CLUL1: variants seen among roughly 807,000 people sequenced by gnomAD.
CLUL1 encodes clusterin-like protein 1.
A neutral mutation model predicts 49.4 loss-of-function variants in CLUL1; 43 were observed. The ratio of observed to expected loss-of-function variants is 0.87; its 90% CI spans 0.68 to 1.12. CLUL1 has a LOEUF of 1.12. Ranked by LOEUF, CLUL1 falls within the 50% of genes most tolerant of loss-of-function variation. CLUL1 has a pLI of 0.00. For missense variants in CLUL1, 486 were observed against 544.4 expected (o/e 0.89, Z 1.07); for synonymous variants, 192 against 184.9 (o/e 1.04, Z -0.31).
intron 1 of CLUL1, among the ~76,000 whole-genome samples, chr18:600,513 A>G (rs2072796649): frequency 6.7e-6 from 1 of 149,786 alleles, no homozygotes; most frequent in Non-Finnish European, 1.5e-5. Context: ...TATTAGAACA[A>G]GGGATTTGCA....
intron 9 of CLUL1, 34 bp downstream of exon 9, chr18:645,131 G>C: frequency 1.4e-6 from 2 of 1,470,690 alleles, no homozygotes; most frequent in East Asian, 2.4e-5. Context: ...ATGCCTTGTT[G>C]ACAGGAATAG....
At chr18:616,985 A>G (rs941342089) in intron 2 of CLUL1, among the ~76,000 whole-genome samples, 1 of 152,236 alleles carries the variant, frequency 6.6e-6, no homozygotes. Flanking sequence ...GCAGATAAAT[A>G]TCCCCTTTGT....
At chr18:640,722 C>A (rs559182010) in intron 7 of CLUL1, among the ~76,000 whole-genome samples, 3 of 152,142 alleles carry the variant, frequency 2.0e-5, no homozygotes, top group Non-Finnish European at 4.4e-5. Context: ...TACCTTTAAT[C>A]AAATAATAAT....
intron 2 of CLUL1, among the ~76,000 whole-genome samples, chr18:612,363 G>A (rs541231149): frequency 1.3e-5 from 2 of 152,184 alleles, no homozygotes; most frequent in Admixed American, 6.5e-5. Flanking sequence ...GGCCAAGTTT[G>A]TTCCCACTCC....
intron 7 of CLUL1, among the ~76,000 whole-genome samples, chr18:638,974 G>C (rs1445088266): frequency 1.3e-5 from 2 of 152,096 alleles, no homozygotes. Flanking sequence ...CAAAAGGAAA[G>C]TGCTATTTTG....
intron 7 of CLUL1, among the ~76,000 whole-genome samples, chr18:638,089 A>C (rs891723296): frequency 6.6e-6 from 1 of 152,240 alleles, no homozygotes; most frequent in Non-Finnish European, 1.5e-5. Context: ...GGAAGAGGAA[A>C]TAATATATCT....
In CLUL1 at chr18:632,399, A is replaced by G. The variant is rs71352959; in HGVS notation, c.857-899A>G. ...GAAATGCAAAAAAAGAATAGTAATA[A>G]AATAACCACCTATCACCCACTTTAA... On this transcript the variant is annotated intron_variant, in intron 6 of 9. Transcript: ENST00000692774. Among the ~76,000 whole-genome samples, 667 of 152,278 alleles carry G rather than the reference A, an allele frequency of 4.4e-3. 2 individuals carry two copies. Among genetic ancestry groups the G allele is most frequent in the Non-Finnish European group, 6.9e-3 (468 of 68,014 alleles).
At chr18:645,792 T>TAA (rs869103727) in intron 9 of CLUL1, among the ~76,000 whole-genome samples, 670 of 16,036 alleles carry the variant, frequency 0.042, 245 homozygotes, top group Admixed American at 0.094. Context: ...AGACTCTGTT[T>TAA]AAAAAAAAAA....
chr18:624,609 GCAAACA>G (rs2144039700), intron 4 of CLUL1, among the ~76,000 whole-genome samples: 1 of 152,236 alleles, frequency 6.6e-6, no homozygotes, highest in South Asian at 2.1e-4. Flanking sequence ...CTGTCACATA[GCAAACA>G]CTCAGTAAAT....
intron 9 of CLUL1, among the ~76,000 whole-genome samples, chr18:646,540 T>A (rs893710995): frequency 8.7e-5 from 10 of 115,192 alleles, no homozygotes; most frequent in Non-Finnish European, 1.4e-4. Flanking sequence ...ACACACACAC[T>A]ATAAAGCAAG....
At chr18:633,492 T>C (rs901380623) in intron 7 of CLUL1, 57 bp downstream of exon 7, 1 of 1,495,670 alleles carries the variant, frequency 6.7e-7, no homozygotes, top group African/African-American at 1.4e-5. Context: ...TACATTTTGT[T>C]ATAAAGTTTC....
At chr18:612,720 G>C (rs934969632) in intron 2 of CLUL1, 1 of 152,166 alleles carries the variant, frequency 6.6e-6, no homozygotes, top group Non-Finnish European at 1.5e-5. Context: ...CAGTTGTCAT[G>C]CTTTTATACA....
chr18:625,105 A>G (rs2073643568), intron 5 of CLUL1, 73 bp downstream of exon 5: 5 of 1,461,524 alleles, frequency 3.4e-6, no homozygotes, highest in Non-Finnish European at 3.7e-6. Context: ...TTATTAATTT[A>G]TGTTAATATT....
At chr18:613,246 C>A (rs1187893665) in intron 2 of CLUL1, 3 of 449,858 alleles carry the variant, frequency 6.7e-6, no homozygotes, top group Non-Finnish European at 1.2e-5. Flanking sequence ...TCAAGCGATT[C>A]TCCTGCCTCA....
intron 1 of CLUL1, chr18:598,515 G>T: frequency 2.5e-6 from 1 of 398,578 alleles, no homozygotes; most frequent in South Asian, 1.3e-4. Context: ...ATCAGCTAAT[G>T]AGACAATGAA....
chr18:644,805 T>G, intron 8 of CLUL1, 105 bp from the exon 9 acceptor site: 2 of 756,316 alleles, frequency 2.6e-6, no homozygotes, highest in Admixed American at 6.4e-5. Flanking sequence ...GACTAATCTG[T>G]TACCTCAGCA....
chr18:616,939 GGTT>G (rs1223456313), intron 2 of CLUL1, among the ~76,000 whole-genome samples: 4 of 152,090 alleles, frequency 2.6e-5, no homozygotes, highest in Non-Finnish European at 5.9e-5. Context: ...AGGTTTCTGT[GGTT>G]GTTTTCTTTT....
chr18:610,133 GA>G (rs1041613881), intron 2 of CLUL1, among the ~76,000 whole-genome samples: 85 of 152,228 alleles, frequency 5.6e-4, no homozygotes, highest in African/African-American at 2.0e-3. Flanking sequence ...TGCAGATCAA[GA>G]ACCAAATTAA....
chr18:633,813 CGGAGCGTGTAATCGGAATGAATCAG>C (rs1567972308), intron 7 of CLUL1, among the ~76,000 whole-genome samples: 1 of 55,016 alleles, frequency 1.8e-5, no homozygotes, highest in African/African-American at 4.7e-5. Flanking sequence ...TGAATCAGGG[CGGAGCGTGTAATCGGAATGAATCAG>C]GGCGGAGCGT....
Sources: allele counts gnomAD v4.1 joint callset (sites outside exome capture counted in the v4.1 genomes callset), GRCh38; gene constraint gnomAD v4.1.1; transcripts MANE v1.5; gene names NCBI Gene and HGNC (gene_info 2026-07-23, HGNC 2026-07-21).